Variants in SMARCD3 observed in about 807,000 individuals in gnomAD.
SMARCD3 encodes the protein SWI/SNF-related matrix-associated actin-dependent regulator of chromatin subfamily D member 3.
SMARCD3 carries 14 observed loss-of-function variants against 58.0 expected under a neutral mutation model. The ratio of observed to expected loss-of-function variants is 0.24; its 90% CI spans 0.16 to 0.38. The LOEUF is 0.38. Ranked by LOEUF, SMARCD3 falls within the 10% of genes least tolerant of loss-of-function variation. The probability of loss-of-function intolerance (pLI) is 1.00; values close to 1 mark genes in which losing one functional copy is unlikely to be tolerated. For synonymous variants in SMARCD3, 253 were observed against 253.8 expected (o/e 1.00, Z 0.03); for missense variants, 408 against 636.9 (o/e 0.64, Z 3.87).
At chr7:151,255,819 A>G (rs1803679928) in intron 2 of SMARCD3, among the ~76,000 whole-genome samples, 1 of 151,314 alleles carries the variant, frequency 6.6e-6, no homozygotes, top group East Asian at 1.9e-4. Flanking sequence ...TTACACATTG[A>G]ATCTCCTGGT....
At chr7:151,250,628 G>T (rs111614034), upstream of SMARCD3, among the ~76,000 whole-genome samples, 719 of 151,880 alleles carry the variant, frequency 4.7e-3, 3 homozygotes, top group African/African-American at 0.016. Context: ...CGTCCTACTT[G>T]TATGCAAAGA....
In SMARCD3 at chr7:151,245,171, G is replaced by A. The variant is rs1376833078; in HGVS notation, c.290+289C>T. Among the ~76,000 whole-genome samples, 1 of 151,872 alleles carries A rather than the reference G, an allele frequency of 6.6e-6. No homozygotes were observed. The highest frequency in any genetic ancestry group is 6.6e-5 in the Admixed American group (1 of 15,260). ...ACTGAAGCATCACCCAGAACCTGAT[G>A]GGTGGAGAGAAGGACTGAGCAGGTG... On this transcript the variant is annotated intron_variant, in intron 2 of 12. Transcript: ENST00000262188. The surrounding 1 kb of genome is among the most constrained non-coding windows in gnomAD (Gnocchi z 6.2).
intron 2 of SMARCD3, among the ~76,000 whole-genome samples, chr7:151,254,654 G>A (rs1367379149): frequency 6.6e-6 from 1 of 152,184 alleles, no homozygotes; most frequent in Non-Finnish European, 1.5e-5. Flanking sequence ...CTCTTTCTTA[G>A]TGAGGGGAGC....
Position 151,245,618 on chromosome 7 carries a change from G to T in SMARCD3, c.132C>A (p.Gly44=). The T allele has an allele frequency of 8.5e-7, 1 of 1,180,718 alleles. No individual in the cohort carries two copies. The highest frequency in any genetic ancestry group is 1.1e-6 in the Non-Finnish European group (1 of 941,952). The allele number at this position is 1,180,718 out of a possible 1,614,324, so 73.1% of individuals were successfully genotyped here. A position where few individuals can be genotyped will look rare whatever the true frequency, so the allele number is the denominator to read the frequency against. ...ARMPHQGAPM[G]PPGSPYMGSP... is the part of the protein sequence containing the mutation. ...TGCCCATGTACGGGGAGCCCGGGGG[G>T]CCCATGGGCGCCCCCTGGTGGGGCA... is the stretch of plus-strand genomic sequence containing the variant. Residue 44 remains glycine (G), a synonymous_variant, in exon 2 of 13, where the codon GGC becomes GGA. Transcript: ENST00000262188. This position sits in a 1 kb window ranked among gnomAD's most constrained non-coding sequence, Gnocchi z 6.2.
Position 151,245,321 on chromosome 7 carries a change from C to T in SMARCD3, c.290+139G>A. On this transcript the variant is annotated intron_variant, in intron 2 of 12. Coordinates refer to ENST00000262188, the MANE Select transcript of SMARCD3 (RefSeq NM_001003801.2). The surrounding 1 kb of genome is among the most constrained non-coding windows in gnomAD (Gnocchi z 6.2). ...CCCCTAAGCCTACCTCCCCAGAGGG[C>T]ATTCGACCCGGGAAGCCTCGCTCCC... The T allele has an allele frequency of 2.6e-6, 1 of 383,612 alleles. No individual in the cohort carries two copies. Among genetic ancestry groups the T allele is most frequent in the Non-Finnish European group, 4.5e-6 (1 of 219,996 alleles). 23.8% of individuals were successfully genotyped at this position (383,612 alleles called of 1,614,324 possible).
Position 151,266,666 on chromosome 7 carries a change from T to C in SMARCD3, c.39+8448A>G, listed in dbSNP as rs182962378. Among the ~76,000 whole-genome samples the C allele has an allele frequency of 2.4e-4, 36 of 152,348 alleles. 2 individuals carry two copies. In the East Asian group the frequency reaches 6.9e-3, roughly 29 times the overall value. On this transcript the variant is annotated intron_variant, in intron 2 of 13. Transcript: ENST00000356800. ...TCGTAACATCCAGCCGGCAATGTGC[T>C]AGTGTGTCATGTCAGCGGCTTAACA...
At chr7:151,240,594 T>C in intron 8 of SMARCD3, 72 bp from the exon 9 acceptor site, 1 of 1,155,918 alleles carries the variant, frequency 8.7e-7, no homozygotes, top group Non-Finnish European at 1.3e-6. Context: ...TAGATCCTTT[T>C]GTTCTAGAAA....
At chr7:151,258,588 A>G (rs184425774) in intron 2 of SMARCD3, among the ~76,000 whole-genome samples, 104 of 151,132 alleles carry the variant, frequency 6.9e-4, no homozygotes, top group African/African-American at 2.5e-3. Flanking sequence ...AAAGAAAAAG[A>G]AAAAGAAAAA....
In SMARCD3 at chr7:151,239,787, G is replaced by T; in HGVS notation, c.1174-41C>A. On this transcript the variant is annotated intron_variant, in intron 10 of 12. Transcript: ENST00000262188. The surrounding 1 kb of genome is among the most constrained non-coding windows in gnomAD (Gnocchi z 7.0). ...TAGATGCTTTCCACCTGGCTTTGGTGATGTGGGAGACGAGGGGAAAGGAAG... is the reference window on the plus strand; with the variant it reads ...TAGATGCTTTCCACCTGGCTTTGGTTATGTGGGAGACGAGGGGAAAGGAAG... 6.3e-7 allele frequency: 1 copy of T among 1,598,714 alleles called. No homozygotes were observed. Among genetic ancestry groups the T allele is most frequent in the South Asian group, 1.1e-5 (1 of 90,724 alleles).
Position 151,242,401 on chromosome 7 carries a change from T to C in SMARCD3, c.579+80A>G, listed in dbSNP as rs1293360122. The C allele has an allele frequency of 2.0e-5, 32 of 1,573,164 alleles. No homozygotes were observed. Among genetic ancestry groups the C allele is most frequent in the Non-Finnish European group, 2.5e-5 (29 of 1,150,356 alleles). ...CAGCCTGGGCTGACTCCCTAGCCCTTAGTGCAGACACCTTGTTCTGTTCTC... is the reference window on the plus strand; with the variant it reads ...CAGCCTGGGCTGACTCCCTAGCCCTCAGTGCAGACACCTTGTTCTGTTCTC... On this transcript the variant is annotated intron_variant, in intron 5 of 12. Coordinates refer to ENST00000262188, the MANE Select transcript of SMARCD3 (RefSeq NM_001003801.2). The surrounding 1 kb of genome is among the most constrained non-coding windows in gnomAD (Gnocchi z 4.7).
At chr7:151,266,505 C>T (rs1804084154) in intron 2 of SMARCD3, among the ~76,000 whole-genome samples, 1 of 152,116 alleles carries the variant, frequency 6.6e-6, no homozygotes, top group Admixed American at 6.6e-5. Flanking sequence ...TGAGTGTGAC[C>T]ATCGATCTGC....
intron 2 of SMARCD3, among the ~76,000 whole-genome samples, chr7:151,267,755 T>C (rs1245679966): frequency 2.0e-5 from 3 of 152,208 alleles, no homozygotes; most frequent in East Asian, 1.9e-4. Flanking sequence ...GGTGGGCGGA[T>C]TGCTTGAGCT....
Position 151,242,490 on chromosome 7 carries a change from G to T in SMARCD3, c.570C>A (p.Leu190=). The change falls in exon 5 of 13, where the codon CTC becomes CTA. Residue 190 remains leucine (L), a synonymous_variant. Transcript: ENST00000262188. This position sits in a 1 kb window ranked among gnomAD's most constrained non-coding sequence, Gnocchi z 4.7. ...CTGGGCCGGGACGTACATCATCCAG[G>T]AGCTTCCCCTCCACCCGTAGCTCCC... The part of the protein sequence containing the change: ...ASWELRVEGK[L]LDDPSKQKRK... 2 of 1,613,626 alleles carry T rather than the reference G, an allele frequency of 1.2e-6. No homozygotes were observed. The highest frequency in any genetic ancestry group is 1.7e-6 in the Non-Finnish European group (2 of 1,179,992).
upstream of SMARCD3, among the ~76,000 whole-genome samples, chr7:151,249,913 G>T (rs1803457642): frequency 7.6e-6 from 1 of 132,434 alleles, no homozygotes; most frequent in Admixed American, 7.7e-5. This position sits in a 1 kb window ranked among gnomAD's most constrained non-coding sequence, Gnocchi z 4.8. Context: ...CAAAGGCCAC[G>T]CCCCTTTTTT....
Position 151,239,517 on chromosome 7 carries a change from G to A in SMARCD3, c.1297-20C>T, listed in dbSNP as rs771286560. 3 of 1,608,870 alleles carry A rather than the reference G, an allele frequency of 1.9e-6. No homozygotes were observed. Among genetic ancestry groups the A allele is most frequent in the East Asian group, 2.2e-5 (1 of 44,800 alleles). On this transcript the variant is annotated intron_variant, in intron 11 of 12. Coordinates refer to ENST00000262188, the MANE Select transcript of SMARCD3 (RefSeq NM_001003801.2). The surrounding 1 kb of genome is among the most constrained non-coding windows in gnomAD (Gnocchi z 7.0). The stretch of plus-strand genomic sequence containing the variant: ...CATCACCTGGGAGGGAGCGTGGGGT[G>A]AGCCCTGAGCCCTGAATCCCCTCAC...
At chr7:151,273,517 A>G (rs1405552272) in intron 2 of SMARCD3, among the ~76,000 whole-genome samples, 1 of 152,054 alleles carries the variant, frequency 6.6e-6, no homozygotes, top group African/African-American at 2.4e-5. Flanking sequence ...AACCTCAGAC[A>G]CCCCAGAACT....
chr7:151,272,347 C>T (rs1795200882), intron 2 of SMARCD3, among the ~76,000 whole-genome samples: 1 of 152,166 alleles, frequency 6.6e-6, no homozygotes, highest in Non-Finnish European at 1.5e-5. Flanking sequence ...ACCATGTTTT[C>T]TCTACTCTAT....
At chr7:151,266,643 G>A (rs146224495) in intron 2 of SMARCD3, among the ~76,000 whole-genome samples, 67 of 152,260 alleles carry the variant, frequency 4.4e-4, no homozygotes, top group African/African-American at 1.4e-3. Context: ...CCCAATTATC[G>A]TAACATCCAG....
At chr7:151,244,051 G>GAGA (rs1563655492) in intron 2 of SMARCD3, among the ~76,000 whole-genome samples, 1 of 152,200 alleles carries the variant, frequency 6.6e-6, no homozygotes, top group African/African-American at 2.4e-5. Context: ...GGAGGACAAA[G>GAGA]GAGAGGGAAG....
Sources: gnomAD v4.1 joint callset for allele counts (sites outside exome capture counted in the v4.1 genomes callset) on GRCh38, gnomAD v4.1.1 for gene constraint, Gnocchi (gnomAD v3.1) non-coding constraint, MANE v1.5 for transcripts, NCBI Gene and HGNC (gene_info 2026-07-23, HGNC 2026-07-21) for gene names.